DAB1: variants seen among roughly 807,000 people sequenced by gnomAD.
DAB1 encodes the protein DAB adaptor protein 1.
In DAB1, 15 loss-of-function variants were observed where a neutral mutation model predicts 64.6. The observed-to-expected ratio is 0.23, with a 90% confidence interval of 0.16 to 0.36. The LOEUF is 0.36. Among genes scored for constraint, DAB1 ranks in the 10% least tolerant of loss-of-function variants. The pLI, the probability that DAB1 is intolerant of heterozygous loss-of-function variation, is 1.00. For missense variants in DAB1, 596 were observed against 706.7 expected (o/e 0.84, Z 1.78); for synonymous variants, 235 against 251.9 (o/e 0.93, Z 0.64).
At chr1:57,401,207 G>T (rs1683216588) in intron 1 of DAB1, among the ~76,000 whole-genome samples, 1 of 152,012 alleles carries the variant, frequency 6.6e-6, no homozygotes, top group African/African-American at 2.4e-5. Context: ...AGAAACGACT[G>T]AATTTATTTT....
chr1:58,291,817 A>T (rs1303124707), intron 4 of DAB1, among the ~76,000 whole-genome samples: 3 of 152,194 alleles, frequency 2.0e-5, no homozygotes, highest in Admixed American at 1.3e-4. Flanking sequence ...CAAAAATCTA[A>T]ATCCAAAACC....
chr1:57,232,605 C>T (rs562472072), intron 2 of DAB1, among the ~76,000 whole-genome samples: 1 of 152,062 alleles, frequency 6.6e-6, no homozygotes, highest in South Asian at 2.1e-4. Context: ...GGGAGAAAAC[C>T]GAGACCCAGA....
chr1:57,762,496 G>A (rs1649131962), intron 6 of DAB1, among the ~76,000 whole-genome samples: 1 of 152,032 alleles, frequency 6.6e-6, no homozygotes, highest in Non-Finnish European at 1.5e-5. Context: ...TCTCCTGATA[G>A]GAGCATTAAG....
chr1:57,083,945 A>T (rs1652809764), intron 4 of DAB1, among the ~76,000 whole-genome samples: 2 of 152,162 alleles, frequency 1.3e-5, no homozygotes, highest in African/African-American at 4.8e-5. Context: ...ATTAAATGTG[A>T]TTATGCTGGT....
At chr1:58,033,692 T>C (rs1156749608) in intron 5 of DAB1, among the ~76,000 whole-genome samples, 1 of 152,352 alleles carries the variant, frequency 6.6e-6, no homozygotes, top group East Asian at 1.9e-4. Flanking sequence ...TAAATATTTG[T>C]TGAGTAGATT....
intron 6 of DAB1, among the ~76,000 whole-genome samples, chr1:57,669,137 T>C (rs1036680819): frequency 1.2e-4 from 18 of 152,148 alleles, no homozygotes; most frequent in African/African-American, 4.3e-4. Context: ...TCTATATTTT[T>C]ACTTTTAAAG....
intron 4 of DAB1, among the ~76,000 whole-genome samples, chr1:57,091,665 G>A (rs1159342578): frequency 1.3e-5 from 2 of 152,176 alleles, no homozygotes; most frequent in Non-Finnish European, 2.9e-5. Flanking sequence ...TGGGGGCCCT[G>A]CCACTTACCA....
chr1:57,750,758 G>A (rs1331111393), intron 6 of DAB1, among the ~76,000 whole-genome samples: 1 of 152,096 alleles, frequency 6.6e-6, no homozygotes, highest in African/African-American at 2.4e-5. Flanking sequence ...GCATCCTCAA[G>A]TTGCCTCTCT....
intron 3 of DAB1, among the ~76,000 whole-genome samples, chr1:58,428,429 T>C (rs1186255083): frequency 6.6e-6 from 1 of 152,216 alleles, no homozygotes; most frequent in Non-Finnish European, 1.5e-5. Context: ...AACAACCCTG[T>C]TTCTTCAACA....
At chr1:57,792,150 T>C (rs1331984724) in intron 6 of DAB1, among the ~76,000 whole-genome samples, 2 of 152,220 alleles carry the variant, frequency 1.3e-5, no homozygotes, top group Non-Finnish European at 2.9e-5. Flanking sequence ...CTCCTTACTG[T>C]TGTCTCCCTT....
At chr1:57,019,184 C>A (rs1052316248) in intron 11 of DAB1, among the ~76,000 whole-genome samples, 4 of 152,228 alleles carry the variant, frequency 2.6e-5, no homozygotes, top group African/African-American at 9.6e-5. Context: ...TCTCTTTCCA[C>A]CCTGCCTAGC....
chr1:57,258,073 C>A (rs1159130113), intron 2 of DAB1, among the ~76,000 whole-genome samples: 2 of 152,170 alleles, frequency 1.3e-5, no homozygotes, highest in African/African-American at 2.4e-5. Flanking sequence ...TAATCCATTT[C>A]CAATTTTCAT....
In DAB1 at chr1:58,170,685, G is replaced by A. The variant is rs150248156; in HGVS notation, n.310-20097C>T. 3.6e-3 allele frequency among the ~76,000 whole-genome samples: 550 copies of A among 152,206 alleles called. 4 individuals are homozygous for A. Among genetic ancestry groups the A allele is most frequent in the African/African-American group, 0.012 (516 of 41,540 alleles). On this transcript the variant is annotated intron_variant and non_coding_transcript_variant, in intron 4 of 20. Coordinates refer to the DAB1 transcript ENST00000485760. Reference sequence around the variant, plus strand: ...GCTTGTTACCAGTGTGGTTTTCAAGGACACCTTAAAAAAGATTGTCCAACG... The same window carrying A: ...GCTTGTTACCAGTGTGGTTTTCAAGAACACCTTAAAAAAGATTGTCCAACG...
intron 2 of DAB1, among the ~76,000 whole-genome samples, chr1:57,162,759 A>G (rs1660876843): frequency 6.6e-6 from 1 of 152,224 alleles, no homozygotes; most frequent in African/African-American, 2.4e-5. Context: ...CTTCTAAACA[A>G]GAGTGCTGTG....
intron 7 of DAB1, among the ~76,000 whole-genome samples, chr1:57,616,899 G>A (rs1435332782): frequency 6.6e-6 from 1 of 152,164 alleles, no homozygotes; most frequent in Non-Finnish European, 1.5e-5. Context: ...TGCTCTGAGG[G>A]TGGCAGAGGA....
chr1:57,490,982 G>T (rs1391409434), intron 7 of DAB1, among the ~76,000 whole-genome samples: 1 of 152,180 alleles, frequency 6.6e-6, no homozygotes, highest in Non-Finnish European at 1.5e-5. Flanking sequence ...AACTTGAAAT[G>T]TCTTGCCACA....
intron 3 of DAB1, among the ~76,000 whole-genome samples, chr1:58,473,023 G>C (rs1645378250): frequency 6.6e-6 from 1 of 152,124 alleles, no homozygotes; most frequent in East Asian, 1.9e-4. Context: ...GTTAAGAGAG[G>C]AAGTGGTCCC....
intron 6 of DAB1, among the ~76,000 whole-genome samples, chr1:57,804,092 G>A (rs1173232162): frequency 2.0e-4 from 30 of 152,166 alleles, no homozygotes; most frequent in Admixed American, 2.0e-3. Context: ...TTGGAATTGT[G>A]AGTTTGAGGT....
chr1:58,161,818 C>G (rs1250431371), intron 4 of DAB1, among the ~76,000 whole-genome samples: 1 of 151,972 alleles, frequency 6.6e-6, no homozygotes, highest in Non-Finnish European at 1.5e-5. Context: ...TCACCAAGAG[C>G]CTGGTTCAAG....
Sources: gnomAD v4.1 joint callset for allele counts (sites outside exome capture counted in the v4.1 genomes callset) on GRCh38, gnomAD v4.1.1 for gene constraint, MANE v1.5 for transcripts, NCBI Gene and HGNC (gene_info 2026-07-23, HGNC 2026-07-21) for gene names.